Variants in PCDH15 observed in about 807,000 individuals in gnomAD.
PCDH15 encodes the protein protocadherin-15.
In PCDH15, 129 loss-of-function variants were observed where a neutral mutation model predicts 178.5. That is an observed-to-expected ratio of 0.72 (90% CI 0.63 to 0.84). The LOEUF is 0.84. Ranked by LOEUF, PCDH15 falls within the 40% of genes least tolerant of loss-of-function variation. The pLI is 0.00. For missense variants in PCDH15, 2,230 were observed against 2,099.9 expected (o/e 1.06, Z -1.21); for synonymous variants, 800 against 732.0 (o/e 1.09, Z -1.50).
chr10:54,646,582 G>T (rs908056476), intron 2 of PCDH15, among the ~76,000 whole-genome samples: 11 of 152,080 alleles, frequency 7.2e-5, no homozygotes, highest in East Asian at 5.8e-4. Context: ...TATTACTAAG[G>T]TATTAAAATA....
At chr10:55,112,570 G>A (rs145627904) in intron 2 of PCDH15, among the ~76,000 whole-genome samples, 9 of 152,314 alleles carry the variant, frequency 5.9e-5, no homozygotes, top group African/African-American at 1.9e-4. Flanking sequence ...ACACAGAGAA[G>A]TGAGTAAGGA....
At chr10:55,273,163 G>A (rs1842491098) in intron 1 of PCDH15, among the ~76,000 whole-genome samples, 1 of 152,070 alleles carries the variant, frequency 6.6e-6, no homozygotes, top group Non-Finnish European at 1.5e-5. Flanking sequence ...AACTTAGAGT[G>A]AGATAGTTTT....
At chr10:54,649,357 T>C (rs1405556871) in intron 2 of PCDH15, among the ~76,000 whole-genome samples, 1 of 152,074 alleles carries the variant, frequency 6.6e-6, no homozygotes, top group Non-Finnish European at 1.5e-5. Context: ...GCGTAAAGAA[T>C]TATTAATATT....
chr10:55,435,664 G>A (rs555747771), intron 2 of PCDH15, among the ~76,000 whole-genome samples: 2 of 152,146 alleles, frequency 1.3e-5, no homozygotes. Flanking sequence ...GGGAAAAAAA[G>A]TGGAAAACCA....
At chr10:54,659,807 T>C (rs1208029669) in intron 2 of PCDH15, among the ~76,000 whole-genome samples, 2 of 148,588 alleles carry the variant, frequency 1.3e-5, no homozygotes, top group East Asian at 2.0e-4. Context: ...CACAAGTACA[T>C]GGAATCTGAA....
intron 30 of PCDH15, among the ~76,000 whole-genome samples, chr10:53,829,480 G>T (rs1234858780): frequency 3.3e-5 from 5 of 152,164 alleles, no homozygotes; most frequent in African/African-American, 1.2e-4. Flanking sequence ...TTGGAAAATA[G>T]TTAAGTGTAA....
At chr10:55,167,504 T>A (rs1839227662) in intron 1 of PCDH15, among the ~76,000 whole-genome samples, 1 of 152,162 alleles carries the variant, frequency 6.6e-6, no homozygotes, top group Non-Finnish European at 1.5e-5. Context: ...GCTTTTGTAT[T>A]TATGCTTTGT....
chr10:54,218,629 T>C (rs2052378814), intron 9 of PCDH15, among the ~76,000 whole-genome samples: 1 of 152,178 alleles, frequency 6.6e-6, no homozygotes, highest in South Asian at 2.1e-4. Context: ...TGAAAGCACC[T>C]TGATCTCAGG....
intron 3 of PCDH15, among the ~76,000 whole-genome samples, chr10:54,852,662 C>T (rs1308881458): frequency 6.6e-6 from 1 of 151,056 alleles, no homozygotes; most frequent in African/African-American, 2.4e-5. Context: ...ACCAACTTGG[C>T]TAAGATGGTG....
intron 19 of PCDH15, among the ~76,000 whole-genome samples, chr10:54,022,681 G>T (rs1169280380): frequency 6.6e-6 from 1 of 151,982 alleles, no homozygotes; most frequent in Non-Finnish European, 1.5e-5. Context: ...AGATCTTTCT[G>T]CCCTTAATTT....
At chr10:53,941,107 C>T in intron 23 of PCDH15, 132 bp from the exon 24 acceptor site, 1 of 659,446 alleles carries the variant, frequency 1.5e-6, no homozygotes, top group Non-Finnish European at 2.7e-6. Context: ...TCATGGCCTC[C>T]TCCATGATCA....
intron 26 of PCDH15, among the ~76,000 whole-genome samples, chr10:53,875,339 A>AT (rs994017158): frequency 1.3e-4 from 19 of 151,852 alleles, no homozygotes; most frequent in African/African-American, 4.1e-4. Flanking sequence ...AATGGCATAA[A>AT]TAATTCATAA....
rs1232880850 is a variant in PCDH15 at position 54,442,459 on chromosome 10, T to TACAC, written c.158-63518_158-63517insGTGT. ...ATATATATATATATATATATATATA[T>TACAC]ACAGTCTTTTTTATTATAATAAATA... On this transcript the variant is annotated intron_variant, in intron 3 of 37. Transcript: ENST00000644397. 2.6e-3 allele frequency among the ~76,000 whole-genome samples: 243 copies of TACAC among 93,414 alleles called. 2 individuals are homozygous for TACAC. Among genetic ancestry groups the TACAC allele is most frequent in the African/African-American group, 9.1e-3 (188 of 20,726 alleles). The allele number at this position is 93,414 out of a possible 152,430, so 61.3% of individuals were successfully genotyped here.
chr10:55,568,575 T>A (rs561765754), intron 2 of PCDH15, among the ~76,000 whole-genome samples: 1 of 151,876 alleles, frequency 6.6e-6, no homozygotes, highest in South Asian at 2.1e-4. Context: ...AAAAAACAAA[T>A]CAAACAAAAA....
intron 2 of PCDH15, among the ~76,000 whole-genome samples, chr10:55,070,304 T>A (rs1385417889): frequency 6.6e-6 from 1 of 152,142 alleles, no homozygotes. Context: ...TTGTCAATTT[T>A]GGCTTTTGTT....
At chr10:54,709,593 C>CATATATATATATATAT (rs35055187) in intron 1 of PCDH15, among the ~76,000 whole-genome samples, 1 of 94,822 alleles carries the variant, frequency 1.1e-5, no homozygotes, top group Non-Finnish European at 2.1e-5. Flanking sequence ...ACAAATAATT[C>CATATATATATATATAT]ATATATATAT....
intron 1 of PCDH15, among the ~76,000 whole-genome samples, chr10:55,309,640 A>G (rs1367702472): frequency 6.6e-6 from 1 of 152,224 alleles, no homozygotes; most frequent in Non-Finnish European, 1.5e-5. Flanking sequence ...ACATAAATCA[A>G]TGGGTGATCA....
At chr10:53,850,374 G>T (rs1052629503) in intron 28 of PCDH15, among the ~76,000 whole-genome samples, 1 of 152,014 alleles carries the variant, frequency 6.6e-6, no homozygotes, top group Admixed American at 6.6e-5. Flanking sequence ...CTTCAGTTCT[G>T]TAAAGAACTA....
At chr10:54,673,898 C>T (rs2094728478) in intron 1 of PCDH15, among the ~76,000 whole-genome samples, 1 of 152,144 alleles carries the variant, frequency 6.6e-6, no homozygotes, top group South Asian at 2.1e-4. Context: ...TTATTTAACA[C>T]GAATAGAGTA....
Sources: allele counts gnomAD v4.1 joint callset (sites outside exome capture counted in the v4.1 genomes callset), GRCh38; gene constraint gnomAD v4.1.1; transcripts MANE v1.5; gene names NCBI Gene and HGNC (gene_info 2026-07-23, HGNC 2026-07-21).